Variants in FHIP1B observed in about 807,000 individuals in gnomAD.
FHIP1B encodes the protein FHF complex subunit HOOK-interacting protein 1B.
A neutral mutation model predicts 82.2 loss-of-function variants in FHIP1B; 28 were observed. The observed-to-expected ratio is 0.34, with a 90% CI of 0.25 to 0.47. The LOEUF (loss-of-function observed/expected upper bound fraction) is 0.47. FHIP1B is among the 20% of genes least tolerant of loss of function. FHIP1B has a pLI of 1.00. For missense variants in FHIP1B, 1,110 were observed against 1,262.6 expected (o/e 0.88, Z 1.83); for synonymous variants, 585 against 516.1 (o/e 1.13, Z -1.81).
chr11:6,224,761 C>T, intron 1 of FHIP1B, 54 bp from the exon 2 acceptor site: 1 of 506,668 alleles, frequency 2.0e-6, no homozygotes, highest in Non-Finnish European at 3.5e-6. Flanking sequence ...CTTTCCAGAA[C>T]TCAGAACCAC....
At position 6,223,702 on chromosome 11, in the gene FHIP1B, G is replaced by C. The variant is rs1026307705; in HGVS notation, c.685C>G (p.Gln229Glu). ...FVHREGTLGQ[Q>E]ARDALLLLMA... ...AGAAGAAGTAGGGCATCACGGGCCT[G>C]CTGGCCCAGGGTGCCCTCTCGATGC... The change falls in exon 3 of 12, where the codon CAG becomes GAG. Residue 229 changes from glutamine to glutamate, a missense_variant. This residue lies in a region of FHIP1B where 467 missense variants were observed against 602.9 expected (regional missense o/e 0.77). Transcript: ENST00000449352. The surrounding 1 kb of genome is among the most constrained non-coding windows in gnomAD (Gnocchi z 4.8). 4 of 1,614,066 alleles carry C rather than the reference G, an allele frequency of 2.5e-6. No individual in the cohort carries two copies. The highest frequency in any genetic ancestry group is 3.3e-5 in the Admixed American group (2 of 60,008).
chr11:6,218,619 C>G lies in FHIP1B; in HGVS notation c.1416G>C (p.Glu472Asp), dbSNP rs775962246. ...GCCCACCTCGTGCCCATGAGGCATG[C>G]TCTGGACGAGGTGGGCTGGGGGCGT... ...RHHAPSPPRP[E>D]HASWARGPGS... The change falls in exon 8 of 12, where the codon GAG becomes GAC. Residue 472 changes from glutamate to aspartate, a missense_variant. By Grantham distance (45) the Glu-to-Asp change is conservative (BLOSUM62 2). This residue lies in a region of FHIP1B where 418 missense variants were observed against 371.4 expected (regional missense o/e 1.13). Transcript: ENST00000449352. The G allele has an allele frequency of 1.4e-5, 23 of 1,614,026 alleles. No homozygotes were observed. Among genetic ancestry groups the G allele is most frequent in the Non-Finnish European group, 1.9e-5 (23 of 1,180,040 alleles).
In FHIP1B at chr11:6,223,510, A is replaced by G; in HGVS notation, c.777+100T>C. On this transcript the variant is annotated intron_variant, in intron 3 of 11. Coordinates refer to ENST00000449352, the MANE Select transcript of FHIP1B (RefSeq NM_001098794.2). This position sits in a 1 kb window ranked among gnomAD's most constrained non-coding sequence, Gnocchi z 4.8. ...AAATCCAGGAACTGTTTCCTAGGGG[A>G]ACGGGCCCTGGAACATAGCCTCTCC... 2 of 1,422,776 alleles carry G rather than the reference A, an allele frequency of 1.4e-6. No individual in the cohort carries two copies. The highest frequency in any genetic ancestry group is 9.5e-7 in the Non-Finnish European group (1 of 1,050,956). 88.1% of individuals were successfully genotyped at this position (1,422,776 alleles called of 1,614,324 possible). A position where few individuals can be genotyped will look rare whatever the true frequency, so the allele number is the denominator to read the frequency against.
At chr11:6,213,049 T>C (rs1429578811) in intron 11 of FHIP1B, among the ~76,000 whole-genome samples, 2 of 152,216 alleles carry the variant, frequency 1.3e-5, no homozygotes, top group South Asian at 2.1e-4. Flanking sequence ...TACACTAACC[T>C]GTGAACTTAA....
Position 6,217,672 on chromosome 11 carries a change from C to G in FHIP1B, c.1914G>C (p.Val638=). 1 of 1,613,940 alleles carries G rather than the reference C, an allele frequency of 6.2e-7. No individual in the cohort carries two copies. Among genetic ancestry groups the G allele is most frequent in the East Asian group, 2.2e-5 (1 of 44,852 alleles). Residue 638 remains valine, a synonymous_variant, in exon 9 of 12, where the codon GTG becomes GTC. Transcript: ENST00000449352. ...TGGCCCCCTCAGGCCATGATCCTGG[C>G]ACTCCATTGAGCTGGGGAGGGGGCA... ...GHLPPPQLNG[V]PGSWPEGAKK... is the part of the protein sequence containing the mutation.
At chr11:6,213,466 T>G (rs1442195300) in intron 11 of FHIP1B, among the ~76,000 whole-genome samples, 1 of 152,196 alleles carries the variant, frequency 6.6e-6, no homozygotes, top group African/African-American at 2.4e-5. Context: ...TCAATCCCAT[T>G]ACTCCCAACA....
Position 6,224,482 on chromosome 11 carries a change from G to A in FHIP1B, c.35C>T (p.Ser12Phe), listed in dbSNP as rs1847509021. 4 of 1,613,998 alleles carry A rather than the reference G, an allele frequency of 2.5e-6. No individual in the cohort carries two copies. Among genetic ancestry groups the A allele is most frequent in the Non-Finnish European group, 2.5e-6 (3 of 1,179,920 alleles). Residue 12 changes from serine to phenylalanine, a missense_variant, in exon 2 of 12, where the codon TCC becomes TTC. By Grantham distance (155) the Ser-to-Phe change is radical. Coordinates refer to ENST00000449352, the MANE Select transcript of FHIP1B (RefSeq NM_001098794.2). Reference sequence around the variant, plus strand: ...AGGTATACGGTGCCCAGGGCCCCGGGAGGCCAGTCTGCTCAGCCAATTCAT... The same window carrying A: ...AGGTATACGGTGCCCAGGGCCCCGGAAGGCCAGTCTGCTCAGCCAATTCAT... Reference protein sequence around the residue: ...ERMNWLSRLASRGPGHRIPQG... With the variant: ...ERMNWLSRLAFRGPGHRIPQG...
In FHIP1B at chr11:6,217,718, G is replaced by GGCCCCCCC; in HGVS notation, c.1867_1868insGGGGGGGC (p.Ala623GlyfsTer42). On this transcript the variant is annotated frameshift_variant, in exon 9 of 12. Transcript: ENST00000449352. LOFTEE classifies it high-confidence loss of function. ...GGGCAGGTGACCAGGGCCCTCCCCT[G>GGCCCCCCC]CACCCCCAGCCCGCCCCCTCCTCCC... is the stretch of plus-strand genomic sequence containing the variant. 1.2e-6 allele frequency: 2 copies of GGCCCCCCC among 1,605,760 alleles called. No individual in the cohort carries two copies. Among genetic ancestry groups the GGCCCCCCC allele is most frequent in the Non-Finnish European group, 1.7e-6 (2 of 1,175,480 alleles).
intron 1 of FHIP1B, among the ~76,000 whole-genome samples, chr11:6,226,558 AAGCAGAG>A (rs1847569376): frequency 6.6e-6 from 1 of 152,268 alleles, no homozygotes; most frequent in Non-Finnish European, 1.5e-5. Flanking sequence ...GATACTAATT[AAGCAGAG>A]AGCAGAGGGA....
Position 6,217,720 on chromosome 11 carries a change from A to G in FHIP1B, c.1866T>C (p.Gly622=). ...GCAGGTGACCAGGGCCCTCCCCTGCACCCCCAGCCCGCCCCCTCCTCCCCA... is the reference window on the plus strand; with the variant it reads ...GCAGGTGACCAGGGCCCTCCCCTGCGCCCCCAGCCCGCCCCCTCCTCCCCA... The part of the protein sequence containing the change: ...EELGRRGRAG[G]AGEGPGHLPP... Residue 622 remains glycine, a synonymous_variant, in exon 9 of 12, where the codon GGT becomes GGC. Coordinates refer to ENST00000449352, the MANE Select transcript of FHIP1B (RefSeq NM_001098794.2). The G allele has an allele frequency of 6.6e-7, 1 of 1,518,722 alleles. No individual in the cohort carries two copies. Among genetic ancestry groups the G allele is most frequent in the Non-Finnish European group, 9.0e-7 (1 of 1,105,048 alleles). The allele number at this position is 1,518,722 out of a possible 1,614,324, so 94.1% of individuals were successfully genotyped here.
chr11:6,214,249 T>C (rs1847159161), intron 11 of FHIP1B, among the ~76,000 whole-genome samples, 162 bp downstream of exon 11: 1 of 152,204 alleles, frequency 6.6e-6, no homozygotes, highest in South Asian at 2.1e-4. Flanking sequence ...TAGAACTATG[T>C]TCTGTCCCCT....
chr11:6,227,338 T>C (rs1216693729), intron 1 of FHIP1B, among the ~76,000 whole-genome samples: 1 of 152,204 alleles, frequency 6.6e-6, no homozygotes, highest in East Asian at 1.9e-4. Flanking sequence ...ATTACCCAGC[T>C]AGTGACAGGA....
At chr11:6,212,528 G>T (rs1306508668) in intron 11 of FHIP1B, among the ~76,000 whole-genome samples, 1 of 152,124 alleles carries the variant, frequency 6.6e-6, no homozygotes, top group Non-Finnish European at 1.5e-5. Context: ...TCCCTGTCCT[G>T]CACCAAAGCC....
At chr11:6,216,021 G>A (rs576925501) in intron 9 of FHIP1B, among the ~76,000 whole-genome samples, 1 of 152,004 alleles carries the variant, frequency 6.6e-6, no homozygotes, top group South Asian at 2.1e-4. Context: ...TTTCCTGGAA[G>A]TTTCTTGGAA....
At chr11:6,218,834 G>A in intron 7 of FHIP1B, 71 bp from the exon 8 acceptor site, 1 of 1,584,998 alleles carries the variant, frequency 6.3e-7, no homozygotes, top group African/African-American at 1.3e-5. Flanking sequence ...GGAACATCAG[G>A]CCAATGAAAC....
rs769508323 is a variant in FHIP1B at position 6,214,888 on chromosome 11, C to T, written c.2239G>A (p.Ala747Thr). The stretch of plus-strand genomic sequence containing the variant: ...TTCTGCAGCATGTTCTCGAGTTTGG[C>T]AAAGAGCACAGCCATGAAGGGGCCT... ...FTGPFMAVLF[A>T]KLENMLQNSV... Residue 747 changes from alanine (A) to threonine (T), a missense_variant, in exon 10 of 12, where the codon GCC becomes ACC. Transcript: ENST00000449352. The T allele has an allele frequency of 1.3e-5, 21 of 1,595,338 alleles. No homozygotes were observed. The highest frequency in any genetic ancestry group is 1.6e-5 in the Non-Finnish European group (19 of 1,170,088).
intron 8 of FHIP1B, 129 bp downstream of exon 8, chr11:6,218,471 C>T: frequency 7.0e-7 from 1 of 1,430,400 alleles, no homozygotes; most frequent in Non-Finnish European, 9.6e-7. Flanking sequence ...CATCAACCTC[C>T]CCAAAGACAG....
chr11:6,233,079 G>T (rs1847740526), intron 1 of FHIP1B, among the ~76,000 whole-genome samples: 1 of 152,208 alleles, frequency 6.6e-6, no homozygotes, highest in Non-Finnish European at 1.5e-5. Flanking sequence ...TGTAAGTTCT[G>T]ACTGACTGGG....
intron 6 of FHIP1B, 56 bp downstream of exon 6, chr11:6,222,386 G>A: frequency 6.3e-6 from 10 of 1,589,364 alleles, no homozygotes; most frequent in Non-Finnish European, 8.6e-6. Flanking sequence ...CAGAACAAAG[G>A]TCAGAGAAAG....
Sources: gnomAD v4.1 joint callset for allele counts (sites outside exome capture counted in the v4.1 genomes callset) on GRCh38, gnomAD v4.1.1 for gene constraint, gnomAD v4.1.1 regional missense constraint, Gnocchi (gnomAD v3.1) non-coding constraint, MANE v1.5 for transcripts, NCBI Gene and HGNC (gene_info 2026-07-23, HGNC 2026-07-21) for gene names.